The following HORMAD2 variants were observed in gnomAD, a reference collection of about 807,000 sequenced individuals.
HORMAD2 encodes HORMA domain-containing protein 2.
Under a neutral mutation model 38.8 loss-of-function variants are expected in HORMAD2, and 45 were observed. The observed-to-expected ratio is 1.16, with a 90% CI of 0.91 to 1.49. The LOEUF (loss-of-function observed/expected upper bound fraction) is 1.49, where lower values mean the gene tolerates loss of function less well. Ranked by LOEUF, HORMAD2 falls within the 40% of genes most tolerant of loss-of-function variation. HORMAD2 has a pLI of 0.00. For missense variants in HORMAD2, 338 were observed against 367.0 expected (o/e 0.92, Z 0.65); for synonymous variants, 126 against 122.8 (o/e 1.03, Z -0.17).
At chr22:30,106,156 A>G (rs1180247528) in intron 5 of HORMAD2, among the ~76,000 whole-genome samples, 1 of 152,014 alleles carries the variant, frequency 6.6e-6, no homozygotes, top group African/African-American at 2.4e-5. Context: ...GATTACAGAA[A>G]TGCACCACCA....
intron 3 of HORMAD2, among the ~76,000 whole-genome samples, chr22:30,101,642 A>G (rs1920946132): frequency 6.6e-6 from 1 of 152,060 alleles, no homozygotes; most frequent in Non-Finnish European, 1.5e-5. Flanking sequence ...TAAAATAGGA[A>G]CTGTCATTTG....
the HORMAD2 span, among the ~76,000 whole-genome samples, chr22:30,197,483 T>A: frequency 6.6e-6 from 1 of 152,154 alleles, no homozygotes; most frequent in Non-Finnish European, 1.5e-5. Flanking sequence ...AAAATCCTTG[T>A]GGGCTCCCCC....
chr22:30,203,060 CT>C, the HORMAD2 span, among the ~76,000 whole-genome samples: 1 of 152,172 alleles, frequency 6.6e-6, no homozygotes, highest in African/African-American at 2.4e-5. Context: ...AAGGAACCCC[CT>C]GTATGCTTGT....
the HORMAD2 span, among the ~76,000 whole-genome samples, chr22:30,185,643 G>A: frequency 6.6e-6 from 1 of 152,230 alleles, no homozygotes; most frequent in Non-Finnish European, 1.5e-5. Context: ...AGTTCTGGTG[G>A]AAACTGTTAA....
At chr22:30,085,071 G>A (rs368782578) in intron 1 of HORMAD2, among the ~76,000 whole-genome samples, 30 of 151,754 alleles carry the variant, frequency 2.0e-4, no homozygotes, top group Middle Eastern at 3.4e-3. Context: ...GCATGAACCC[G>A]GGAGGTGGGT....
At chr22:30,078,985 A>G (rs1211043217), upstream of HORMAD2, among the ~76,000 whole-genome samples, 2 of 151,852 alleles carry the variant, frequency 1.3e-5, no homozygotes, top group Admixed American at 1.3e-4. Context: ...GGCAAAGTCT[A>G]GAGAAATTTT....
intron 10 of HORMAD2, among the ~76,000 whole-genome samples, chr22:30,171,370 G>C (rs982887750): frequency 6.6e-6 from 1 of 152,268 alleles, no homozygotes; most frequent in Middle Eastern, 3.4e-3. Context: ...CTCGACCTGA[G>C]AGAACAGCAA....
intron 5 of HORMAD2, among the ~76,000 whole-genome samples, chr22:30,111,116 A>G (rs1468682493): frequency 6.8e-6 from 1 of 147,762 alleles, no homozygotes; most frequent in East Asian, 2.0e-4. Flanking sequence ...AGATCACGCT[A>G]CTGTACTCCA....
chr22:30,098,970 C>A lies in HORMAD2; in HGVS notation c.170C>A (p.Ser57Tyr), dbSNP rs1321642214. The A allele has an allele frequency of 2.5e-6, 4 of 1,610,476 alleles. No homozygotes were observed. Among genetic ancestry groups the A allele is most frequent in the Admixed American group, 3.4e-5 (2 of 59,360 alleles). ...CTAAGGGGCCTGTTTCCAGAGAGCT[C>A]TTATGGAGAACGCCATTTGGATGGT... ...TYLRGLFPES[S>Y]YGERHLDDLS... is the part of the protein sequence containing the mutation. The change falls in exon 3 of 11, where the codon TCT (serine) becomes TAT (tyrosine). Residue 57 changes from serine (S) to tyrosine (Y), a missense_variant. Ser to Tyr is a moderately radical substitution (Grantham distance 144, BLOSUM62 -2). Transcript: ENST00000336726.
intron 5 of HORMAD2, chr22:30,105,066 G>T: frequency 6.4e-6 from 1 of 156,668 alleles, no homozygotes; most frequent in South Asian, 1.8e-4. Flanking sequence ...CTTTTATTAT[G>T]AACAGAGGGC....
the HORMAD2 span, among the ~76,000 whole-genome samples, chr22:30,185,305 G>C: frequency 6.6e-6 from 1 of 152,212 alleles, no homozygotes; most frequent in Admixed American, 6.5e-5. Context: ...GCAAAAGCGA[G>C]CTTCGTCGGA....
chr22:30,203,216 G>A, the HORMAD2 span, among the ~76,000 whole-genome samples: 2 of 144,926 alleles, frequency 1.4e-5, no homozygotes, highest in Non-Finnish European at 3.0e-5. Context: ...CCTATATGGC[G>A]AAACCCTGTA....
intron 10 of HORMAD2, among the ~76,000 whole-genome samples, chr22:30,123,982 ATTTCTTTCTTT>A (rs1569098945): frequency 6.6e-6 from 1 of 151,462 alleles, no homozygotes; most frequent in African/African-American, 2.4e-5. Flanking sequence ...TTAATTAAGA[ATTTCTTTCTTT>A]TTTTTTTTTA....
chr22:30,177,644 T>A (rs1490637180), downstream of HORMAD2, among the ~76,000 whole-genome samples: 1 of 151,922 alleles, frequency 6.6e-6, no homozygotes, highest in Non-Finnish European at 1.5e-5. Context: ...GAATTAGGTT[T>A]GTGTCTCTCC....
chr22:30,111,882 C>A, intron 6 of HORMAD2, 66 bp downstream of exon 6: 2 of 1,264,240 alleles, frequency 1.6e-6, no homozygotes, highest in Non-Finnish European at 2.2e-6. Context: ...GCAAGTGAAA[C>A]ATTAAAACAG....
At chr22:30,144,269 G>A (rs1924272463) in intron 10 of HORMAD2, among the ~76,000 whole-genome samples, 1 of 152,126 alleles carries the variant, frequency 6.6e-6, no homozygotes, top group African/African-American at 2.4e-5. Context: ...TAGTTACTGA[G>A]GTTCCAGTGT....
chr22:30,153,265 G>A (rs535500907), intron 10 of HORMAD2, among the ~76,000 whole-genome samples: 1 of 152,036 alleles, frequency 6.6e-6, no homozygotes, highest in East Asian at 1.9e-4. Flanking sequence ...ACAGCCTTGA[G>A]GCTCTCCCAC....
Position 30,104,436 on chromosome 22 carries a change from A to G in HORMAD2, c.293A>G (p.Tyr98Cys). 1.2e-6 allele frequency: 2 copies of G among 1,607,554 alleles called. No homozygotes were observed. Among genetic ancestry groups the G allele is most frequent in the Non-Finnish European group, 1.7e-6 (2 of 1,175,438 alleles). Residue 98 changes from tyrosine (Y) to cysteine (C), a missense_variant and splice_region_variant, in exon 5 of 11, where the codon TAC (tyrosine) becomes TGC (cysteine). Physicochemically the swap from Tyr to Cys is radical, Grantham distance 194 (BLOSUM62 -2). Coordinates refer to ENST00000336726, the MANE Select transcript of HORMAD2 (RefSeq NM_152510.4). ...TGTTTTGATGCTTTGGAAAAGAGAT[A>G]CGTAAGAATGTTTTTACACTTACAC... ...QGCFDALEKRYLRMAVLTLYT... is the reference protein window; with the variant it reads ...QGCFDALEKRCLRMAVLTLYT...
downstream of HORMAD2, among the ~76,000 whole-genome samples, chr22:30,181,088 G>A (rs1926697445): frequency 1.3e-5 from 2 of 149,908 alleles, no homozygotes; most frequent in Admixed American, 1.3e-4. Context: ...GGAGTGCAGT[G>A]GAGCCTCAAC....
Sources: allele counts gnomAD v4.1 joint callset (sites outside exome capture counted in the v4.1 genomes callset), GRCh38; gene constraint gnomAD v4.1.1; transcripts MANE v1.5; gene names NCBI Gene and HGNC (gene_info 2026-07-23, HGNC 2026-07-21).